Variants in HNRNPU observed in about 807,000 individuals in gnomAD.
The protein encoded by HNRNPU is heterogeneous nuclear ribonucleoprotein U, also known as HNRNPU antisense RNA 1.
Under a neutral mutation model 94.7 loss-of-function variants are expected in HNRNPU, and 5 were observed. That is an observed-to-expected ratio of 0.05 (90% CI 0.03 to 0.11). HNRNPU has a LOEUF of 0.11. Among genes scored for constraint, HNRNPU ranks in the 10% least tolerant of loss-of-function variants. The pLI is 1.00. For missense variants in HNRNPU, 710 were observed against 1,049.2 expected (o/e 0.68, Z 4.47); for synonymous variants, 434 against 381.6 (o/e 1.14, Z -1.60).
Position 244,859,360 on chromosome 1 carries a change from G to C in HNRNPU, c.1032C>G (p.Ile344Met), listed in dbSNP as rs774623389. ...CTTTTGTATATAAATGCCTTACTGG[G>C]ATCTTCTCTGTAACCTGAAAGTCAA... is the stretch of plus-strand genomic sequence containing the variant. ...VCFEMKVTEK[I>M]PVRHLYTKDI... is the part of the protein sequence containing the mutation. The change falls in exon 5 of 14, where the codon ATC (isoleucine) becomes ATG (methionine). Residue 344 changes from isoleucine to methionine, a missense_variant. Physicochemically the swap from Ile to Met is conservative, Grantham distance 10. Coordinates refer to ENST00000640218, the MANE Select transcript of HNRNPU (RefSeq NM_031844.3). 6.5e-7 allele frequency: 1 copy of C among 1,541,406 alleles called. No homozygotes were observed. The highest frequency in any genetic ancestry group is 9.0e-7 in the Non-Finnish European group (1 of 1,115,170).
At chr1:244,857,348 T>C in intron 8 of HNRNPU, 1 of 360,558 alleles carries the variant, frequency 2.8e-6, no homozygotes, top group South Asian at 5.0e-5. Flanking sequence ...CAGGTTCAAG[T>C]AATTGTCCCT....
At position 244,858,175 on chromosome 1, in the gene HNRNPU, G is replaced by A; in HGVS notation, c.1330C>T (p.Leu444=). The part of the protein sequence containing the change: ...ISKEVLAGRP[L]FPHVLCHNCA... ...TTGTGGCAGAGAACATGCGGGAACAGTGGCCGTCCAGCAAGAACTTCCTTA... is the reference window on the plus strand; with the variant it reads ...TTGTGGCAGAGAACATGCGGGAACAATGGCCGTCCAGCAAGAACTTCCTTA... Residue 444 remains leucine, a synonymous_variant, in exon 7 of 14, where the codon CTG becomes TTG. Coordinates refer to ENST00000640218, the MANE Select transcript of HNRNPU (RefSeq NM_031844.3). 2 of 1,614,170 alleles carry A rather than the reference G, an allele frequency of 1.2e-6. No individual in the cohort carries two copies. Among genetic ancestry groups the A allele is most frequent in the South Asian group, 1.1e-5 (1 of 91,088 alleles).
At position 244,862,709 on chromosome 1, in the gene HNRNPU, T is replaced by C; in HGVS notation, c.713A>G (p.Lys238Arg). 1 of 1,614,084 alleles carries C rather than the reference T, an allele frequency of 6.2e-7. No individual in the cohort carries two copies. Among genetic ancestry groups the C allele is most frequent in the Non-Finnish European group, 8.5e-7 (1 of 1,179,926 alleles). ...PAAGDGKTEQKGGDKKRGVKR... is the reference protein window; with the variant it reads ...PAAGDGKTEQRGGDKKRGVKR... ...AACACCCCTCTTTTTATCTCCGCCT[T>C]TCTGTTCTGTTTTGCCGTCCCCTAA... Residue 238 changes from lysine (K) to arginine (R), a missense_variant, in exon 2 of 14, where the codon AAA (lysine) becomes AGA (arginine). Lys to Arg is a conservative substitution (Grantham distance 26). Transcript: ENST00000640218.
intron 1 of HNRNPU, 128 bp downstream of exon 1, chr1:244,863,489 C>A: frequency 1.8e-6 from 2 of 1,092,092 alleles, no homozygotes; most frequent in South Asian, 3.5e-5. Flanking sequence ...CGCGCCCCCT[C>A]CCCCACCCTC....
At chr1:244,858,357 G>A (rs1428464420) in intron 6 of HNRNPU, 83 bp from the exon 7 acceptor site, 3 of 1,302,206 alleles carry the variant, frequency 2.3e-6, no homozygotes, top group Non-Finnish European at 2.1e-6. Flanking sequence ...TAGGAGCAAA[G>A]CTTATCCTGT....
chr1:244,855,960 C>T lies in HNRNPU; in HGVS notation c.2111G>A (p.Gly704Asp), dbSNP rs1680668703. The change falls in exon 11 of 14, where the codon GGT (glycine) becomes GAT (aspartate). Residue 704 changes from glycine to aspartate, a missense_variant. Physicochemically the swap from Gly to Asp is moderately conservative, Grantham distance 94. Transcript: ENST00000640218. Reference sequence around the variant, plus strand: ...GAATCCTCCACGTCCTCTATGGCCACCACCTCTGTTAAACTGGTTCTTGCC... The same window carrying T: ...GAATCCTCCACGTCCTCTATGGCCATCACCTCTGTTAAACTGGTTCTTGCC... ...KSGKNQFNRG[G>D]GHRGRGGFNM... 6.2e-7 allele frequency: 1 copy of T among 1,614,144 alleles called. No homozygotes were observed.
At position 244,854,212 on chromosome 1, in the gene HNRNPU, T is replaced by TA. The variant is rs1418586616; in HGVS notation, c.*237dup. ...ACAGATAAAATGTAGAACCCTGAAA[T>TA]ACTGACACATTCTCTTATCGTGCAC... is the stretch of plus-strand genomic sequence containing the variant. On this transcript the variant is annotated 3_prime_UTR_variant, in exon 14 of 14. Transcript: ENST00000640218. 2.4e-6 allele frequency: 1 copy of TA among 411,474 alleles called. No homozygotes were observed. The highest frequency in any genetic ancestry group is 4.3e-6 in the Non-Finnish European group (1 of 231,652). 25.5% of individuals were successfully genotyped at this position (411,474 alleles called of 1,614,324 possible). A position where few individuals can be genotyped will look rare whatever the true frequency, so the allele number is the denominator to read the frequency against.
chr1:244,855,946 G>A lies in HNRNPU; in HGVS notation c.2125C>T (p.Arg709Cys), dbSNP rs1680668380. The A allele has an allele frequency of 6.2e-7, 1 of 1,613,700 alleles. No individual in the cohort carries two copies. Among genetic ancestry groups the A allele is most frequent in the Non-Finnish European group, 8.5e-7 (1 of 1,179,864 alleles). Residue 709 changes from arginine to cysteine, a missense_variant, in exon 11 of 14, where the codon CGT becomes TGT. By Grantham distance (180) the Arg-to-Cys change is radical (BLOSUM62 -3). Coordinates refer to ENST00000640218, the MANE Select transcript of HNRNPU (RefSeq NM_031844.3). ...CCACCACGCATATTGAATCCTCCAC[G>A]TCCTCTATGGCCACCACCTCTGTTA... ...QFNRGGGHRG[R>C]GGFNMRGGNF... is the part of the protein sequence containing the mutation.
In HNRNPU at chr1:244,853,880, T is replaced by C. The variant is rs1680608961; in HGVS notation, c.*570A>G. Reference sequence around the variant, plus strand: ...TCAATCCCAATTATACCAATTCCATTGTTATTTTAAGAAAAAACCTTCCCA... The same window carrying C: ...TCAATCCCAATTATACCAATTCCATCGTTATTTTAAGAAAAAACCTTCCCA... On this transcript the variant is annotated 3_prime_UTR_variant, in exon 14 of 14. Coordinates refer to ENST00000640218, the MANE Select transcript of HNRNPU (RefSeq NM_031844.3). 6.5e-6 allele frequency: 1 copy of C among 152,752 alleles called. No individual in the cohort carries two copies. Among genetic ancestry groups the C allele is most frequent in the South Asian group, 2.1e-4 (1 of 4,848 alleles). The allele number at this position is 152,752 out of a possible 1,614,324, so 9.5% of individuals were successfully genotyped here. A position where few individuals can be genotyped will look rare whatever the true frequency, so the allele number is the denominator to read the frequency against.
At position 244,852,916 on chromosome 1, in the gene HNRNPU, T is replaced by C. The variant is rs558883364; in HGVS notation, c.*1534A>G. 6.5e-6 allele frequency: 1 copy of C among 152,718 alleles called. No individual in the cohort carries two copies. The highest frequency in any genetic ancestry group is 1.5e-5 in the Non-Finnish European group (1 of 67,998). 9.5% of individuals were successfully genotyped at this position (152,718 alleles called of 1,614,324 possible). A position where few individuals can be genotyped will look rare whatever the true frequency, so the allele number is the denominator to read the frequency against. On this transcript the variant is annotated 3_prime_UTR_variant, in exon 14 of 14. Coordinates refer to ENST00000640218, the MANE Select transcript of HNRNPU (RefSeq NM_031844.3). ...ATTGGTGAGGGGAAGATTAAAGTGT[T>C]CTGTGCAAACCCAATATAATTACAA...
chr1:244,856,929 A>T, intron 8 of HNRNPU, 73 bp from the exon 9 acceptor site: 1 of 1,235,820 alleles, frequency 8.1e-7, no homozygotes, highest in South Asian at 1.4e-5. Context: ...AATTCAACTC[A>T]TATCTATATG....
At position 244,862,413 on chromosome 1, in the gene HNRNPU, A is replaced by AC. The variant is rs756540814; in HGVS notation, c.877+47_877+48insG. On this transcript the variant is annotated intron_variant, in intron 3 of 13. Coordinates refer to ENST00000640218, the MANE Select transcript of HNRNPU (RefSeq NM_031844.3). ...AGACTTCTAAAAAAAAAAAAAAAAA[A>AC]ACCACCATCACCGCATTTCATAATT... 9.2e-6 allele frequency: 12 copies of AC among 1,308,632 alleles called. No individual in the cohort carries two copies. In the Admixed American group the frequency reaches 1.3e-4, roughly 15 times the overall value. The allele number at this position is 1,308,632 out of a possible 1,614,324, so 81.1% of individuals were successfully genotyped here.
At chr1:244,862,270 T>G (rs545395029) in intron 3 of HNRNPU, 191 bp downstream of exon 3, 9 of 532,806 alleles carry the variant, frequency 1.7e-5, no homozygotes, top group Non-Finnish European at 1.3e-5. Flanking sequence ...GCCTGTAAAA[T>G]AATCCACTTA....
At position 244,864,497 on chromosome 1, in the gene HNRNPU, G is replaced by A. The variant is rs1014210691; in HGVS notation, c.-190C>T. ...CCAATTCCTTTCACCGAGTTCGCGA[G>A]GGAGACGCGGAGACTCGCCTGGCGC... On this transcript the variant is annotated 5_prime_UTR_variant, in exon 1 of 14. Transcript: ENST00000640218. The A allele has an allele frequency of 5.4e-5, 53 of 977,636 alleles. No homozygotes were observed. The highest frequency in any genetic ancestry group is 3.3e-4 in the Middle Eastern group (1 of 2,994). The allele number at this position is 977,636 out of a possible 1,614,324, so 60.6% of individuals were successfully genotyped here.
rs1177980110 is a variant in HNRNPU at position 244,863,395 on chromosome 1, G to GACACACAC, written c.691+214_691+221dup. ...ACATAATGGAGGCGCTGCCACCGCC[G>GACACACAC]ACACACACACACACACACACACACA... On this transcript the variant is annotated intron_variant, in intron 1 of 13. Coordinates refer to ENST00000640218, the MANE Select transcript of HNRNPU (RefSeq NM_031844.3). Among the ~76,000 whole-genome samples, 11 of 138,654 alleles carry GACACACAC rather than the reference G, an allele frequency of 7.9e-5. No homozygotes were observed. In the East Asian group the frequency reaches 1.4e-3, roughly 17 times the overall value. 91.0% of individuals were successfully genotyped at this position (138,654 alleles called of 152,430 possible).
At chr1:244,863,261 CGCACGCAGCGCGA>C (rs1680895974) in intron 1 of HNRNPU, among the ~76,000 whole-genome samples, 1 of 150,532 alleles carries the variant, frequency 6.6e-6, no homozygotes, top group Admixed American at 6.6e-5. Context: ...CCGCACCGCG[CGCACGCAGCGCGA>C]CGGCGCCACC....
Position 244,864,421 on chromosome 1 carries a change from G to T in HNRNPU, c.-114C>A. The T allele has an allele frequency of 6.5e-7, 1 of 1,538,928 alleles. No homozygotes were observed. Among genetic ancestry groups the T allele is most frequent in the Admixed American group, 2.2e-5 (1 of 45,630 alleles). On this transcript the variant is annotated 5_prime_UTR_variant, in exon 1 of 14. Coordinates refer to ENST00000640218, the MANE Select transcript of HNRNPU (RefSeq NM_031844.3). ...GGCCCGGGCGGCGGCTGCGGCTGCG[G>T]CTGGAGATGGGTTCGTGCTGCAGAG... is the stretch of plus-strand genomic sequence containing the variant.
In HNRNPU at chr1:244,851,386, AGTCAATTTATATTGT is replaced by A; in HGVS notation, c.*3049_*3063del. 6.6e-6 allele frequency: 1 copy of A among 152,226 alleles called. No homozygotes were observed. The highest frequency in any genetic ancestry group is 1.9e-4 in the East Asian group (1 of 5,202). The allele number at this position is 152,226 out of a possible 1,614,324, so 9.4% of individuals were successfully genotyped here. On this transcript the variant is annotated 3_prime_UTR_variant, in exon 14 of 14. Coordinates refer to ENST00000640218, the MANE Select transcript of HNRNPU (RefSeq NM_031844.3). ...TTATTCACATGGTCCTAGAATAAAA[AGTCAATTTATATTGT>A]GAATAAATTTATCAAAAAACATGTC...
intron 5 of HNRNPU, 170 bp from the exon 6 acceptor site, chr1:244,859,011 G>A (rs1490203417): frequency 5.1e-6 from 3 of 590,880 alleles, no homozygotes; most frequent in East Asian, 2.8e-5. Context: ...AAGTTAGGAG[G>A]GATATATACG....
Sources: gnomAD v4.1 joint callset for allele counts (sites outside exome capture counted in the v4.1 genomes callset) on GRCh38, gnomAD v4.1.1 for gene constraint, MANE v1.5 for transcripts, NCBI Gene and HGNC (gene_info 2026-07-23, HGNC 2026-07-21) for gene names.